LRRC28: variants seen among roughly 807,000 people sequenced by gnomAD.
LRRC28 encodes the protein leucine-rich repeat-containing protein 28.
In LRRC28, 39 loss-of-function variants were observed where a neutral mutation model predicts 45.7. The ratio of observed to expected loss-of-function variants is 0.85; its 90% CI spans 0.66 to 1.12. The LOEUF (loss-of-function observed/expected upper bound fraction) is 1.12. Ranked by LOEUF, LRRC28 falls within the 50% of genes most tolerant of loss-of-function variation. LRRC28 has a pLI of 0.00. For missense variants in LRRC28, 435 were observed against 438.5 expected (o/e 0.99, Z 0.07); for synonymous variants, 206 against 178.8 (o/e 1.15, Z -1.22).
intron 2 of LRRC28, among the ~76,000 whole-genome samples, chr15:99,267,259 A>G (rs1186586186): frequency 6.6e-6 from 1 of 152,176 alleles, no homozygotes; most frequent in Non-Finnish European, 1.5e-5. Context: ...TCACACAACT[A>G]TATCCGCCAC....
chr15:99,281,153 AAGTAGCT>A (rs1430300903), intron 3 of LRRC28, among the ~76,000 whole-genome samples: 2 of 152,004 alleles, frequency 1.3e-5, no homozygotes, highest in African/African-American at 4.8e-5. Context: ...TCAGCCTCCC[AAGTAGCT>A]AGAAGTACAG....
At chr15:99,258,237 C>T in intron 2 of LRRC28, 1 of 1,594,676 alleles carries the variant, frequency 6.3e-7, no homozygotes, top group Middle Eastern at 1.7e-4. Flanking sequence ...TTCCTTGTAG[C>T]AGATAAGGTT....
intron 5 of LRRC28, among the ~76,000 whole-genome samples, chr15:99,316,352 TC>T (rs1955592134): frequency 6.6e-6 from 1 of 152,226 alleles, no homozygotes; most frequent in Non-Finnish European, 1.5e-5. Context: ...GCTCTTTTTT[TC>T]CTTTTAATTT....
intron 6 of LRRC28, among the ~76,000 whole-genome samples, chr15:99,346,277 A>G (rs190514990): frequency 4.9e-4 from 75 of 152,296 alleles, no homozygotes; most frequent in Middle Eastern, 3.4e-3. Context: ...CCTGGGCTCA[A>G]GTGATCTTTC....
At chr15:99,322,519 G>T (rs941320013) in intron 5 of LRRC28, among the ~76,000 whole-genome samples, 1 of 152,130 alleles carries the variant, frequency 6.6e-6, no homozygotes, top group African/African-American at 2.4e-5. Context: ...TCTATAGAGG[G>T]TGTAAGTTAC....
intron 3 of LRRC28, chr15:99,285,021 G>A: frequency 1.5e-6 from 1 of 649,206 alleles, no homozygotes; most frequent in Non-Finnish European, 2.9e-6. Context: ...TGAAGCACTA[G>A]CCATCTCTTG....
chr15:99,289,292 A>G (rs554296107), intron 5 of LRRC28, among the ~76,000 whole-genome samples: 11 of 152,346 alleles, frequency 7.2e-5, no homozygotes, highest in Admixed American at 1.3e-4. Context: ...CAGGTATTAT[A>G]TGAAAGTTAC....
intron 5 of LRRC28, among the ~76,000 whole-genome samples, chr15:99,299,954 G>C (rs577313887): frequency 1.3e-5 from 2 of 152,232 alleles, no homozygotes; most frequent in African/African-American, 4.8e-5. Context: ...TTGTTTATAT[G>C]TCTGATCTAC....
chr15:99,297,038 G>A (rs546082602), intron 5 of LRRC28, among the ~76,000 whole-genome samples: 3 of 152,018 alleles, frequency 2.0e-5, no homozygotes, highest in African/African-American at 7.2e-5. Flanking sequence ...ATAATTAGCC[G>A]GGTGTGGTGG....
chr15:99,322,365 G>A (rs1265986586), intron 5 of LRRC28, among the ~76,000 whole-genome samples: 1 of 152,082 alleles, frequency 6.6e-6, no homozygotes, highest in Admixed American at 6.5e-5. Context: ...GAGGCTTGTT[G>A]GTTGGGTTCA....
intron 2 of LRRC28, among the ~76,000 whole-genome samples, chr15:99,261,278 C>T (rs1325243759): frequency 6.6e-6 from 1 of 152,232 alleles, no homozygotes; most frequent in Non-Finnish European, 1.5e-5. Context: ...ATCTGGAAAG[C>T]AATCCTCTCT....
chr15:99,308,583 G>T (rs1424271282), intron 5 of LRRC28, among the ~76,000 whole-genome samples: 1 of 152,158 alleles, frequency 6.6e-6, no homozygotes, highest in African/African-American at 2.4e-5. Flanking sequence ...GAGGTGGGGG[G>T]ATTGCTTGAC....
intron 5 of LRRC28, among the ~76,000 whole-genome samples, chr15:99,309,099 T>A (rs140215061): frequency 0.017 from 2,630 of 152,338 alleles, 70 homozygotes; most frequent in African/African-American, 0.06. Context: ...GCAGACTTTG[T>A]GTTTGTGGGT....
intron 7 of LRRC28, chr15:99,355,614 A>G (rs190331095): frequency 6.6e-6 from 1 of 152,318 alleles, no homozygotes; most frequent in East Asian, 1.9e-4. Flanking sequence ...TTGTAGCCAG[A>G]AAGAGAGGTT....
chr15:99,267,660 A>G (rs531656348), intron 2 of LRRC28, among the ~76,000 whole-genome samples: 2 of 152,220 alleles, frequency 1.3e-5, no homozygotes, highest in African/African-American at 4.8e-5. Flanking sequence ...AGTGTTTGTA[A>G]GTAAATGTGG....
chr15:99,261,214 AC>A (rs1322706232), intron 2 of LRRC28, among the ~76,000 whole-genome samples: 1 of 152,202 alleles, frequency 6.6e-6, no homozygotes, highest in East Asian at 1.9e-4. Context: ...AAAAGAATAA[AC>A]TTTTCAATTA....
intron 5 of LRRC28, among the ~76,000 whole-genome samples, chr15:99,304,131 G>A (rs1305767828): frequency 6.6e-6 from 1 of 152,184 alleles, no homozygotes; most frequent in African/African-American, 2.4e-5. Flanking sequence ...ATACAGCCAT[G>A]TCCATTCGTT....
chr15:99,340,399 T>A (rs1025117282), intron 6 of LRRC28, among the ~76,000 whole-genome samples: 1 of 152,274 alleles, frequency 6.6e-6, no homozygotes, highest in African/African-American at 2.4e-5. Flanking sequence ...CTACTTTCTC[T>A]GTATTTGCTT....
chr15:99,288,506 T>C (rs2082021970), intron 5 of LRRC28, among the ~76,000 whole-genome samples: 1 of 150,076 alleles, frequency 6.7e-6, no homozygotes, highest in Admixed American at 6.7e-5. Context: ...CTCAGCCTCC[T>C]GAGTAGCTGA....
Sources: gnomAD v4.1 joint callset for allele counts (sites outside exome capture counted in the v4.1 genomes callset) on GRCh38, gnomAD v4.1.1 for gene constraint, MANE v1.5 for transcripts, NCBI Gene and HGNC (gene_info 2026-07-23, HGNC 2026-07-21) for gene names.